The following SLC26A5 variants were observed in gnomAD, a reference collection of about 807,000 sequenced individuals.
SLC26A5 encodes the protein solute carrier family 26 member 5.
In SLC26A5, 51 loss-of-function variants were observed where a neutral mutation model predicts 81.0. That is an observed-to-expected ratio of 0.63 (90% CI 0.50 to 0.80). SLC26A5 has a LOEUF of 0.80. SLC26A5 is among the 30% of genes least tolerant of loss of function. SLC26A5 has a pLI of 0.00. For missense variants in SLC26A5, 771 were observed against 905.8 expected, an observed-to-expected ratio of 0.85 and a Z score of 1.91; for synonymous variants, 325 against 332.8, an observed-to-expected ratio of 0.98 and a Z score of 0.25.
chr7:103,416,882 T>G (rs1307091268), intron 4 of SLC26A5, among the ~76,000 whole-genome samples: 1 of 152,192 alleles, frequency 6.6e-6, no homozygotes, highest in Non-Finnish European at 1.5e-5. Context: ...TTTTTGGTAA[T>G]TTAAATTATT....
At chr7:103,371,208 T>C (rs556946381), downstream of SLC26A5, among the ~76,000 whole-genome samples, 1 of 152,362 alleles carries the variant, frequency 6.6e-6, no homozygotes, top group Admixed American at 6.5e-5. Flanking sequence ...AAAATATATT[T>C]TCCCACCTTA....
intron 8 of SLC26A5, among the ~76,000 whole-genome samples, chr7:103,404,610 A>G (rs978013840): frequency 2.9e-4 from 44 of 152,224 alleles, no homozygotes; most frequent in African/African-American, 1.0e-3. Context: ...GGCTGCCCTT[A>G]ACATTTTTTC....
Position 103,410,393 on chromosome 7 carries a change from C to T in SLC26A5, c.727G>A (p.Val243Met), listed in dbSNP as rs368643773. The change falls in exon 7 of 20, where the codon GTG (valine) becomes ATG (methionine). Residue 243 changes from valine (V) to methionine (M), a missense_variant. Transcript: ENST00000306312. ...KTKRYSGIFS[V>M]VYSTVAVLQN... is the part of the protein sequence containing the mutation. ...GGTAGTTTCTTACTTACATACACCA[C>T]GGAAAAGATTCCACTGTACCGCTTT... is the stretch of plus-strand genomic sequence containing the variant. The T allele has an allele frequency of 9.5e-5, 154 of 1,613,892 alleles. No individual in the cohort carries two copies. The highest frequency in any genetic ancestry group is 5.8e-4 in the East Asian group (26 of 44,874).
At chr7:103,363,479 A>G (rs1563494128) in intron 19 of SLC26A5, 2 of 1,545,976 alleles carry the variant, frequency 1.3e-6, no homozygotes, top group Non-Finnish European at 1.8e-6. Flanking sequence ...CTTTGTATAA[A>G]GATGTCTTTT....
chr7:103,410,519 C>T lies in SLC26A5; in HGVS notation c.601G>A (p.Val201Met). Residue 201 changes from valine to methionine, a missense_variant, in exon 7 of 20, where the codon GTG (valine) becomes ATG (methionine). By Grantham distance (21) the Val-to-Met change is conservative. Coordinates refer to ENST00000306312, the MANE Select transcript of SLC26A5 (RefSeq NM_198999.3). ...AGAGGCTCTGTGAGATATATGGCCA[C>T]AAATCCAAACCTACAGACACCTAGG... Reference protein sequence around the residue: ...FCLGVCRFGFVAIYLTEPLVR... With the variant: ...FCLGVCRFGFMAIYLTEPLVR... 1 of 1,613,882 alleles carries T rather than the reference C, an allele frequency of 6.2e-7. No homozygotes were observed. Among genetic ancestry groups the T allele is most frequent in the Non-Finnish European group, 8.5e-7 (1 of 1,179,964 alleles).
downstream of SLC26A5, among the ~76,000 whole-genome samples, chr7:103,371,816 C>T (rs1821059071): frequency 6.6e-6 from 1 of 151,756 alleles, no homozygotes. Context: ...CTGCCTCAGC[C>T]TCCCGAGTAG....
Position 103,421,374 on chromosome 7 carries a change from T to C in SLC26A5, c.141A>G (p.Lys47=). The change falls in exon 3 of 20, where the codon AAA becomes AAG. Residue 47 remains lysine, a synonymous_variant. Transcript: ENST00000306312. ...AAAAGGCAACGTACGTGAATGCCTG[T>C]TTCAGCTTATCCGCAATGGAATCAG... is the stretch of plus-strand genomic sequence containing the variant. ...KVPDSIADKL[K]QAFTCTPKKI... 1 of 1,614,070 alleles carries C rather than the reference T, an allele frequency of 6.2e-7. No homozygotes were observed. The highest frequency in any genetic ancestry group is 1.1e-5 in the South Asian group (1 of 91,082).
At chr7:103,432,068 A>G (rs55723733) in intron 2 of SLC26A5, among the ~76,000 whole-genome samples, 12,603 of 152,084 alleles carry the variant, frequency 0.083, 588 homozygotes, top group South Asian at 0.11. Context: ...GGTGCATGCC[A>G]CCACACTCAC....
Position 103,389,335 on chromosome 7 carries a change from T to A in SLC26A5, c.1401A>T (p.Ile467=), listed in dbSNP as rs1822455554. 1 of 1,608,090 alleles carries A rather than the reference T, an allele frequency of 6.2e-7. No homozygotes were observed. The part of the protein sequence containing the change: ...DLPFFWRTSK[I]ELTIWLTTFV... ...CATCACCTTTGTTACTTACCAGCTC[T>A]ATTTTGCTGGTTCTCCAGAAAAAGG... The change falls in exon 13 of 20, where the codon ATA becomes ATT. Residue 467 remains isoleucine, a synonymous_variant. Transcript: ENST00000306312.
In SLC26A5 at chr7:103,374,347, A is replaced by G; in HGVS notation, c.*52T>C. 2 of 1,608,234 alleles carry G rather than the reference A, an allele frequency of 1.2e-6. No homozygotes were observed. Among genetic ancestry groups the G allele is most frequent in the Non-Finnish European group, 1.7e-6 (2 of 1,178,196 alleles). On this transcript the variant is annotated 3_prime_UTR_variant, in exon 20 of 20. Transcript: ENST00000306312. ...AGCGTCTAGTATTTAAAACGTGTAA[A>G]TTATGAACTTCATGAGAGGCTTATA...
rs1379449042 is a variant in SLC26A5 at position 103,385,697 on chromosome 7, CTTTTCTTT to C, written c.1514+3303_1514+3310del. ...AGTAGAGCTTTTATTTTTTTCTTTT[CTTTTCTTT>C]TTTTTTTTTTTTTGAGACAGGGTCT... On this transcript the variant is annotated intron_variant, in intron 14 of 19. Transcript: ENST00000306312. Among the ~76,000 whole-genome samples, 592 of 147,030 alleles carry C rather than the reference CTTTTCTTT, an allele frequency of 4.0e-3. 2 individuals carry two copies. The highest frequency in any genetic ancestry group is 0.014 in the African/African-American group (558 of 38,806).
At chr7:103,370,275 G>A (rs1212174757), downstream of SLC26A5, among the ~76,000 whole-genome samples, 1 of 151,900 alleles carries the variant, frequency 6.6e-6, no homozygotes, top group Non-Finnish European at 1.5e-5. Flanking sequence ...AAGGAAGTTC[G>A]GTTTCATTTT....
Position 103,410,372 on chromosome 7 carries a change from G to A in SLC26A5, c.735+13C>T. On this transcript the variant is annotated intron_variant, in intron 7 of 19. Coordinates refer to ENST00000306312, the MANE Select transcript of SLC26A5 (RefSeq NM_198999.3). ...GAGAAAAGTACCAGAACGTCAGGTA[G>A]TTTCTTACTTACATACACCACGGAA... is the stretch of plus-strand genomic sequence containing the variant. The A allele has an allele frequency of 6.2e-7, 1 of 1,609,978 alleles. No homozygotes were observed. Among genetic ancestry groups the A allele is most frequent in the Admixed American group, 1.7e-5 (1 of 60,010 alleles).
chr7:103,372,942 A>C (rs1156765931), downstream of SLC26A5, among the ~76,000 whole-genome samples: 1 of 151,928 alleles, frequency 6.6e-6, no homozygotes, highest in Non-Finnish European at 1.5e-5. Context: ...TTTGAAGTTG[A>C]TAATTAAATG....
chr7:103,371,136 A>G (rs1237479913), downstream of SLC26A5, among the ~76,000 whole-genome samples: 2 of 152,232 alleles, frequency 1.3e-5, no homozygotes, highest in Non-Finnish European at 2.9e-5. Context: ...ACGTATTTAC[A>G]TATGGATGAA....
At chr7:103,361,617 T>G (rs1820420428) in intron 19 of SLC26A5, among the ~76,000 whole-genome samples, 1 of 151,750 alleles carries the variant, frequency 6.6e-6, no homozygotes, top group African/African-American at 2.4e-5. Context: ...GATGACCATC[T>G]TTTTGTAGGG....
chr7:103,375,556 T>C (rs1453722379), intron 19 of SLC26A5, among the ~76,000 whole-genome samples: 5 of 152,168 alleles, frequency 3.3e-5, no homozygotes, highest in Non-Finnish European at 7.3e-5. Flanking sequence ...AAAAGTAGCA[T>C]CTTTATGAAG....
chr7:103,375,616 T>G (rs1378009020), intron 19 of SLC26A5, among the ~76,000 whole-genome samples: 1 of 152,218 alleles, frequency 6.6e-6, no homozygotes, highest in Non-Finnish European at 1.5e-5. Flanking sequence ...TTCTTTTAAA[T>G]AAAGATGGGA....
At position 103,355,844 on chromosome 7, in the gene SLC26A5, C is replaced by G. The variant is rs765701551; in HGVS notation, c.2042-2918G>C. 6.7e-6 allele frequency: 9 copies of G among 1,337,752 alleles called. No individual in the cohort carries two copies. The South Asian group carries it at 9.6e-5, about 14-fold the overall frequency. 82.9% of individuals were successfully genotyped at this position (1,337,752 alleles called of 1,614,324 possible). A position where few individuals can be genotyped will look rare whatever the true frequency, so the allele number is the denominator to read the frequency against. On this transcript the variant is annotated intron_variant, in intron 19 of 19. Coordinates refer to the SLC26A5 transcript ENST00000339444. ...TTACCTTTGTCTGTATTTTCAAGCACTTAATGTTAGAGTCTCAGGGATAAT... is the reference window on the plus strand; with the variant it reads ...TTACCTTTGTCTGTATTTTCAAGCAGTTAATGTTAGAGTCTCAGGGATAAT...
Sources: gnomAD v4.1 joint callset for allele counts (sites outside exome capture counted in the v4.1 genomes callset) on GRCh38, gnomAD v4.1.1 for gene constraint, MANE v1.5 for transcripts, NCBI Gene and HGNC (gene_info 2026-07-23, HGNC 2026-07-21) for gene names.